Variants in RANBP17 observed in about 807,000 individuals in gnomAD.
RANBP17 encodes RAN binding protein 17.
Under a neutral mutation model 141.2 loss-of-function variants are expected in RANBP17, and 158 were observed. The observed-to-expected ratio is 1.12, with a 90% CI of 0.98 to 1.28. The LOEUF (loss-of-function observed/expected upper bound fraction) is 1.28. Among genes scored for constraint, RANBP17 ranks in the 50% most tolerant of loss-of-function variants. RANBP17 has a pLI of 0.00. For synonymous variants in RANBP17, 430 were observed against 450.0 expected, an observed-to-expected ratio of 0.96 and a Z score of 0.56; for missense variants, 1,438 against 1,290.7, an observed-to-expected ratio of 1.11 and a Z score of -1.75.
intron 13 of RANBP17, among the ~76,000 whole-genome samples, chr5:170,955,708 G>A (rs1468906722): frequency 5.3e-5 from 6 of 112,648 alleles, no homozygotes; most frequent in South Asian, 6.1e-4. Flanking sequence ...GTAGAGGAAC[G>A]AACTCTAATG....
chr5:171,270,229 A>T (rs72829417), intron 25 of RANBP17, among the ~76,000 whole-genome samples: 1 of 152,330 alleles, frequency 6.6e-6, no homozygotes, highest in Non-Finnish European at 1.5e-5. Context: ...ATTTTTAAAA[A>T]TGTTCTCCAA....
intron 14 of RANBP17, among the ~76,000 whole-genome samples, chr5:171,126,892 T>G (rs1350163266): frequency 1.3e-5 from 2 of 152,148 alleles, no homozygotes; most frequent in African/African-American, 4.8e-5. Flanking sequence ...TTTACCAAAC[T>G]TATAAAGATG....
intron 19 of RANBP17, among the ~76,000 whole-genome samples, chr5:171,200,326 A>T (rs1762229934): frequency 6.6e-6 from 1 of 152,212 alleles, no homozygotes; most frequent in East Asian, 1.9e-4. Context: ...TGTGGGAGCC[A>T]TATTAGGATT....
intron 14 of RANBP17, among the ~76,000 whole-genome samples, chr5:171,157,981 G>A (rs1448626641): frequency 1.3e-5 from 2 of 152,182 alleles, no homozygotes; most frequent in Non-Finnish European, 2.9e-5. Flanking sequence ...TTGATGTCAG[G>A]GTTAGTACTG....
rs1382220178 is a variant in RANBP17 at position 170,954,544 on chromosome 5, A to ACACC, written c.1574+843_1574+844insACCC. On this transcript the variant is annotated intron_variant, in intron 13 of 27. Coordinates refer to ENST00000523189, the MANE Select transcript of RANBP17 (RefSeq NM_022897.5). ...CACACACACACACACACACACACAC[A>ACACC]CCCCAACCCCACCCACCCACCTCAA... 1.4e-3 allele frequency among the ~76,000 whole-genome samples: 174 copies of ACACC among 125,364 alleles called. 1 individual carries two copies. The highest frequency in any genetic ancestry group is 2.4e-3 in the Non-Finnish European group (145 of 61,140). The allele number at this position is 125,364 out of a possible 152,430, so 82.2% of individuals were successfully genotyped here.
At chr5:171,061,609 G>T (rs929425659) in intron 14 of RANBP17, among the ~76,000 whole-genome samples, 7 of 152,080 alleles carry the variant, frequency 4.6e-5, no homozygotes, top group African/African-American at 1.7e-4. Context: ...GAATAGGTGT[G>T]GTGTGGTGCT....
intron 14 of RANBP17, among the ~76,000 whole-genome samples, chr5:171,103,121 T>C (rs1334503221): frequency 1.3e-5 from 2 of 152,194 alleles, no homozygotes; most frequent in East Asian, 1.9e-4. Context: ...ATCAGAGCTC[T>C]AGCGCTGTGC....
At chr5:171,090,942 G>C (rs1392853676) in intron 14 of RANBP17, among the ~76,000 whole-genome samples, 1 of 152,182 alleles carries the variant, frequency 6.6e-6, no homozygotes, top group Non-Finnish European at 1.5e-5. Context: ...GCAGGGGCGA[G>C]GCCCTCATGG....
At chr5:170,865,688 A>G (rs761946414) in intron 1 of RANBP17, among the ~76,000 whole-genome samples, 6 of 152,200 alleles carry the variant, frequency 3.9e-5, no homozygotes, top group Non-Finnish European at 5.9e-5. Flanking sequence ...GGAATTAGCC[A>G]TACTGAGATT....
chr5:171,201,781 C>G (rs928677772), intron 19 of RANBP17, among the ~76,000 whole-genome samples: 4 of 152,194 alleles, frequency 2.6e-5, no homozygotes, highest in South Asian at 2.1e-4. Flanking sequence ...AAAACTTTTG[C>G]ACTAAATGCT....
intron 22 of RANBP17, among the ~76,000 whole-genome samples, chr5:171,223,089 G>T (rs114088989): frequency 6.6e-6 from 1 of 152,094 alleles, no homozygotes; most frequent in South Asian, 2.1e-4. Context: ...AAAAAAATGG[G>T]TGTTTTAAGT....
chr5:170,935,081 C>T (rs552314676), intron 12 of RANBP17, among the ~76,000 whole-genome samples: 6 of 152,328 alleles, frequency 3.9e-5, no homozygotes, highest in Admixed American at 3.9e-4. Flanking sequence ...GATATCCTTT[C>T]TTCCATTTGA....
At chr5:171,026,507 TC>T (rs1171616405) in intron 14 of RANBP17, among the ~76,000 whole-genome samples, 1 of 152,190 alleles carries the variant, frequency 6.6e-6, no homozygotes, top group African/African-American at 2.4e-5. Context: ...CCCTTTTCAT[TC>T]CTTTAACAGA....
chr5:171,113,356 GA>G (rs1202879551), intron 14 of RANBP17, among the ~76,000 whole-genome samples: 1 of 152,110 alleles, frequency 6.6e-6, no homozygotes, highest in African/African-American at 2.4e-5. Context: ...CATTGTGTGT[GA>G]ACAGCCATTC....
At chr5:171,107,458 C>T (rs575558868) in intron 14 of RANBP17, among the ~76,000 whole-genome samples, 1 of 152,254 alleles carries the variant, frequency 6.6e-6, no homozygotes, top group African/African-American at 2.4e-5. Flanking sequence ...TGAGTGGATG[C>T]TTATAGTTCA....
chr5:171,135,140 C>T (rs1012548315), intron 14 of RANBP17, among the ~76,000 whole-genome samples: 1 of 151,244 alleles, frequency 6.6e-6, no homozygotes, highest in East Asian at 2.0e-4. Context: ...ATTAGCCAGG[C>T]ATGGTGGTTC....
At chr5:171,256,465 A>G (rs1322673030) in intron 24 of RANBP17, among the ~76,000 whole-genome samples, 1 of 152,214 alleles carries the variant, frequency 6.6e-6, no homozygotes, top group East Asian at 1.9e-4. Flanking sequence ...AAAAAAGTGG[A>G]AAGATTACAA....
At chr5:171,015,295 T>A (rs995934148) in intron 14 of RANBP17, among the ~76,000 whole-genome samples, 1 of 152,170 alleles carries the variant, frequency 6.6e-6, no homozygotes, top group East Asian at 1.9e-4. Flanking sequence ...ACGCATTTAT[T>A]AGACCACTTG....
chr5:171,174,985 A>G (rs1760349730), intron 16 of RANBP17, among the ~76,000 whole-genome samples: 1 of 151,540 alleles, frequency 6.6e-6, no homozygotes, highest in South Asian at 2.1e-4. Context: ...GGTGTGTGAT[A>G]TTCCCCTCCC....
Sources: gnomAD v4.1 joint callset for allele counts (sites outside exome capture counted in the v4.1 genomes callset) on GRCh38, gnomAD v4.1.1 for gene constraint, MANE v1.5 for transcripts, NCBI Gene and HGNC (gene_info 2026-07-23, HGNC 2026-07-21) for gene names.